Variants in NSD3 observed in about 807,000 individuals in gnomAD.
NSD3 encodes nuclear receptor binding SET domain protein 3, also known as histone-lysine N-methyltransferase NSD3.
In NSD3, 24 loss-of-function variants were observed where a neutral mutation model predicts 160.8. The ratio of observed to expected loss-of-function variants is 0.15; its 90% confidence interval spans 0.11 to 0.21. The LOEUF is 0.21. NSD3 is among the 10% of genes least tolerant of loss of function. NSD3 has a pLI of 1.00. For missense variants in NSD3, 1,157 were observed against 1,735.9 expected, an observed-to-expected ratio of 0.67 and a Z score of 5.93; for synonymous variants, 520 against 600.0, an observed-to-expected ratio of 0.87 and a Z score of 1.95.
At position 38,289,445 on chromosome 8, in the gene NSD3, GCTT is replaced by G; in HGVS notation, c.3176_3178del (p.Glu1059del). ...TCTTGAGTTTTTTTCAATCTCTAGG[GCTT>G]CTTTACTTTCTCTTTGTGCTTTCAA... On this transcript the variant is annotated inframe_deletion, in exon 18 of 24. Transcript: ENST00000317025. 6.2e-7 allele frequency: 1 copy of G among 1,613,852 alleles called. No homozygotes were observed. The highest frequency in any genetic ancestry group is 8.5e-7 in the Non-Finnish European group (1 of 1,179,930).
chr8:38,277,435 G>A (rs1174064023), intron 22 of NSD3, among the ~76,000 whole-genome samples: 2 of 152,034 alleles, frequency 1.3e-5, no homozygotes, highest in South Asian at 2.1e-4. Context: ...GTGCCACCAC[G>A]CCCAGCTAAT....
At chr8:38,323,199 C>T (rs774243712) in intron 7 of NSD3, among the ~76,000 whole-genome samples, 5 of 152,014 alleles carry the variant, frequency 3.3e-5, no homozygotes, top group African/African-American at 9.7e-5. Flanking sequence ...GGATTACAGG[C>T]GTGCGCCACC....
Position 38,329,412 on chromosome 8 carries a change from CCATCCCCTGTAG to C in NSD3, c.1535_1546del (p.Ala512_Asp515del). On this transcript the variant is annotated inframe_deletion, in exon 6 of 24. Coordinates refer to ENST00000317025, the MANE Select transcript of NSD3 (RefSeq NM_023034.2). The surrounding 1 kb of genome is among the most constrained non-coding windows in gnomAD (Gnocchi z 4.8). The stretch of plus-strand genomic sequence containing the variant: ...ATAAACAAATTGATCGATAAATTTC[CCATCCCCTGTAG>C]CATTCTGAAGAGCAAACACTTGTTC... 1 of 1,611,778 alleles carries C rather than the reference CCATCCCCTGTAG, an allele frequency of 6.2e-7. No individual in the cohort carries two copies. The highest frequency in any genetic ancestry group is 8.5e-7 in the Non-Finnish European group (1 of 1,178,254).
Position 38,290,421 on chromosome 8 carries a change from G to A in NSD3, c.3118+54C>T, listed in dbSNP as rs551435606. 3 of 1,578,844 alleles carry A rather than the reference G, an allele frequency of 1.9e-6. No homozygotes were observed. In the African/African-American group the frequency reaches 4.0e-5, roughly 21 times the overall value. On this transcript the variant is annotated intron_variant, in intron 17 of 23. Transcript: ENST00000317025. ...TATTAGGGAGGTGAGGAGATGTTGA[G>A]AAACTGACACCGGAGTTGTAGTTTT...
At chr8:38,359,038 G>A (rs1239907851) in intron 1 of NSD3, among the ~76,000 whole-genome samples, 1 of 151,922 alleles carries the variant, frequency 6.6e-6, no homozygotes. Context: ...TCTAATGTCA[G>A]TTTTTAAAAA....
At chr8:38,378,340 C>T (rs1328156130) in intron 1 of NSD3, among the ~76,000 whole-genome samples, 2 of 151,606 alleles carry the variant, frequency 1.3e-5, no homozygotes, top group African/African-American at 4.8e-5. Flanking sequence ...CCTGTCTCTA[C>T]TAAAAAAAAT....
At chr8:38,372,492 GTTC>G (rs1696942969) in intron 1 of NSD3, among the ~76,000 whole-genome samples, 1 of 146,708 alleles carries the variant, frequency 6.8e-6, no homozygotes, top group African/African-American at 2.5e-5. Context: ...AATTCTTCAG[GTTC>G]TTTTTTTTTT....
intron 14 of NSD3, 56 bp downstream of exon 14, chr8:38,304,531 T>G: frequency 6.4e-7 from 1 of 1,551,058 alleles, no homozygotes; most frequent in Non-Finnish European, 8.7e-7. Context: ...TCTATGTTAA[T>G]GGAGAAATAT....
chr8:38,287,282 T>C (rs1187277695), intron 19 of NSD3, among the ~76,000 whole-genome samples: 1 of 152,214 alleles, frequency 6.6e-6, no homozygotes, highest in African/African-American at 2.4e-5. Context: ...TATTTACTTA[T>C]TGGGAAATAG....
At chr8:38,324,599 CAT>C (rs1417924842) in intron 7 of NSD3, among the ~76,000 whole-genome samples, 2 of 152,204 alleles carry the variant, frequency 1.3e-5, no homozygotes, top group South Asian at 2.1e-4. Context: ...TGATAAGAAA[CAT>C]ATATTTGATC....
At position 38,270,600 on chromosome 8, in the gene NSD3, C is replaced by T. The variant is rs1217167455; in HGVS notation, c.*5041G>A. 6.6e-6 allele frequency: 1 copy of T among 152,156 alleles called. No homozygotes were observed. Among genetic ancestry groups the T allele is most frequent in the Non-Finnish European group, 1.5e-5 (1 of 68,026 alleles). The allele number at this position is 152,156 out of a possible 1,614,324, so 9.4% of individuals were successfully genotyped here. On this transcript the variant is annotated 3_prime_UTR_variant, in exon 24 of 24. Coordinates refer to ENST00000317025, the MANE Select transcript of NSD3 (RefSeq NM_023034.2). ...TCCATTTCTAAACTGACAAGAATACCTTATTCAATACCTTATATAGGTCAT... is the reference window on the plus strand; with the variant it reads ...TCCATTTCTAAACTGACAAGAATACTTTATTCAATACCTTATATAGGTCAT...
At chr8:38,312,217 T>C (rs763132810) in intron 12 of NSD3, among the ~76,000 whole-genome samples, 6 of 152,174 alleles carry the variant, frequency 3.9e-5, no homozygotes, top group Non-Finnish European at 8.8e-5. Context: ...AATGAGGAAA[T>C]GTGAGTCCTC....
Position 38,321,226 on chromosome 8 carries a change from T to A in NSD3, c.1709-54A>T, listed in dbSNP as rs999074919. 1 of 1,446,840 alleles carries A rather than the reference T, an allele frequency of 6.9e-7. No individual in the cohort carries two copies. The highest frequency in any genetic ancestry group is 9.5e-7 in the Non-Finnish European group (1 of 1,051,306). The allele number at this position is 1,446,840 out of a possible 1,614,324, so 89.6% of individuals were successfully genotyped here. A position where few individuals can be genotyped will look rare whatever the true frequency, so the allele number is the denominator to read the frequency against. On this transcript the variant is annotated intron_variant, in intron 7 of 23. Coordinates refer to ENST00000317025, the MANE Select transcript of NSD3 (RefSeq NM_023034.2). The surrounding 1 kb of genome is among the most constrained non-coding windows in gnomAD (Gnocchi z 4.7). Reference sequence around the variant, plus strand: ...AAACTCACTTAAGGATACCTTGACATCTATGTAATTAAGATATGACCACAT... The same window carrying A: ...AAACTCACTTAAGGATACCTTGACAACTATGTAATTAAGATATGACCACAT...
intron 17 of NSD3, among the ~76,000 whole-genome samples, chr8:38,289,933 A>T (rs973293583): frequency 2.6e-5 from 4 of 152,196 alleles, no homozygotes; most frequent in African/African-American, 9.6e-5. Flanking sequence ...GACTATTCTC[A>T]GGCTGGGCTT....
intron 1 of NSD3, among the ~76,000 whole-genome samples, chr8:38,372,908 G>A (rs1378964263): frequency 6.8e-6 from 1 of 146,052 alleles, no homozygotes; most frequent in Admixed American, 6.8e-5. Flanking sequence ...AAAATTAGCC[G>A]GGTGTGGTGA....
intron 12 of NSD3, among the ~76,000 whole-genome samples, chr8:38,311,996 TC>T (rs1809545166): frequency 6.6e-6 from 1 of 152,230 alleles, no homozygotes. Flanking sequence ...CCAACTTCAT[TC>T]TTTTACAGGC....
Position 38,316,633 on chromosome 8 carries a change from G to A in NSD3, c.1856-591C>T, listed in dbSNP as rs776309927. 2.9e-5 allele frequency: 31 copies of A among 1,053,262 alleles called. No homozygotes were observed. The South Asian group carries it at 3.7e-4, about 12-fold the overall frequency. 65.2% of individuals were successfully genotyped at this position (1,053,262 alleles called of 1,614,324 possible). ...GCATTTATTGTGACCATTAACAAGC[G>A]CTGCAGCACATCTACATATGTCATG... On this transcript the variant is annotated intron_variant, in intron 9 of 23. Coordinates refer to ENST00000317025, the MANE Select transcript of NSD3 (RefSeq NM_023034.2). The surrounding 1 kb of genome is among the most constrained non-coding windows in gnomAD (Gnocchi z 4.5).
chr8:38,279,012 G>C (rs1180117190), intron 21 of NSD3, among the ~76,000 whole-genome samples: 1 of 152,124 alleles, frequency 6.6e-6, no homozygotes, highest in Admixed American at 6.5e-5. Context: ...AAACAAAGGA[G>C]AAACCAAGTT....
At chr8:38,375,056 C>T (rs1340573497) in intron 1 of NSD3, among the ~76,000 whole-genome samples, 2 of 152,072 alleles carry the variant, frequency 1.3e-5, no homozygotes, top group Non-Finnish European at 2.9e-5. Flanking sequence ...TGCTTTCTAA[C>T]TTCACATTTT....
Sources: gnomAD v4.1 joint callset for allele counts (sites outside exome capture counted in the v4.1 genomes callset) on GRCh38, gnomAD v4.1.1 for gene constraint, Gnocchi (gnomAD v3.1) non-coding constraint, MANE v1.5 for transcripts, NCBI Gene and HGNC (gene_info 2026-07-23, HGNC 2026-07-21) for gene names.